Variants in ATPSCKMT observed in about 807,000 individuals in gnomAD.
The protein encoded by ATPSCKMT is ATP synthase subunit C lysine N-methyltransferase.
In ATPSCKMT, 24 loss-of-function variants were observed where a neutral mutation model predicts 24.3. The ratio of observed to expected loss-of-function variants is 0.99; its 90% CI spans 0.71 to 1.39. The LOEUF is 1.39. Among genes scored for constraint, ATPSCKMT ranks in the 40% most tolerant of loss-of-function variants. The pLI, the probability that ATPSCKMT is intolerant of heterozygous loss-of-function variation, is 0.00. For synonymous variants in ATPSCKMT, 95 were observed against 110.5 expected, an observed-to-expected ratio of 0.86 and a Z score of 0.88; for missense variants, 311 against 298.4, an observed-to-expected ratio of 1.04 and a Z score of -0.31.
chr5:10,237,833 G>A (rs955557125), intron 2 of ATPSCKMT, among the ~76,000 whole-genome samples: 6 of 151,838 alleles, frequency 4.0e-5, no homozygotes, highest in East Asian at 1.9e-4. Context: ...TTCAGCCTCC[G>A]CCTCCCAGGT....
chr5:10,227,571 G>T lies in ATPSCKMT; in HGVS notation c.572C>A (p.Pro191Gln). 6.2e-7 allele frequency: 1 copy of T among 1,614,172 alleles called. No individual in the cohort carries two copies. Among genetic ancestry groups the T allele is most frequent in the Middle Eastern group, 1.6e-4 (1 of 6,062 alleles). ...CGTGACGTGGTCTGGAGTCCAATGT[G>T]GGAAAGGGAACCGGCAAGCAATAAC... ...ARVIACRFPFPHWTPDHVTGE... is the reference protein window; with the variant it reads ...ARVIACRFPFQHWTPDHVTGE... Residue 191 changes from proline to glutamine, a missense_variant, in exon 5 of 5, where the codon CCA (proline) becomes CAA (glutamine). Transcript: ENST00000511437.
rs1366409311 is a variant in ATPSCKMT, at chr5:10,226,253, T to C, written c.*1188A>G. 1.3e-5 allele frequency: 2 copies of C among 152,246 alleles called. No individual in the cohort carries two copies. The highest frequency in any genetic ancestry group is 4.8e-5 in the African/African-American group (2 of 41,474). The allele number at this position is 152,246 out of a possible 1,614,324, so 9.4% of individuals were successfully genotyped here. A position where few individuals can be genotyped will look rare whatever the true frequency, so the allele number is the denominator to read the frequency against. ...CAGAATCTCAGAGCTTCTTCTACAG[T>C]AGATACTGAATACATATTTGTTGAA... On this transcript the variant is annotated 3_prime_UTR_variant, in exon 5 of 5. Coordinates refer to ENST00000511437, the MANE Select transcript of ATPSCKMT (RefSeq NM_199133.4).
intron 4 of ATPSCKMT, among the ~76,000 whole-genome samples, chr5:10,229,181 T>C (rs372464712): frequency 4.3e-4 from 66 of 152,368 alleles, no homozygotes; most frequent in East Asian, 4.1e-3. Flanking sequence ...CCCAATAATG[T>C]TCTGTATAAC....
Position 10,225,748 on chromosome 5 carries a change from G to A in ATPSCKMT, c.*1693C>T, listed in dbSNP as rs1279320478. 6.6e-6 allele frequency among the ~76,000 whole-genome samples: 1 copy of A among 152,066 alleles called. No homozygotes were observed. The highest frequency in any genetic ancestry group is 2.4e-5 in the African/African-American group (1 of 41,390). ...GAATTCAAGATGAGATTTGGGTAGGGACACAGCCAAACCATATCAATGCCT... is the reference window on the plus strand; with the variant it reads ...GAATTCAAGATGAGATTTGGGTAGGAACACAGCCAAACCATATCAATGCCT... On this transcript the variant is annotated 3_prime_UTR_variant, in exon 5 of 5. Coordinates refer to ENST00000511437, the MANE Select transcript of ATPSCKMT (RefSeq NM_199133.4).
intron 2 of ATPSCKMT, 103 bp from the exon 3 acceptor site, chr5:10,236,718 A>C (rs1472263998): frequency 1.3e-6 from 2 of 1,517,282 alleles, no homozygotes; most frequent in African/African-American, 1.4e-5. Flanking sequence ...ATCCAATCAA[A>C]AAGCACCTCC....
At chr5:10,232,350 G>A (rs947578002) in intron 4 of ATPSCKMT, among the ~76,000 whole-genome samples, 4 of 152,256 alleles carry the variant, frequency 2.6e-5, no homozygotes, top group Admixed American at 6.5e-5. Flanking sequence ...CGTTTACTGA[G>A]TGATGCCTGT....
intron 1 of ATPSCKMT, among the ~76,000 whole-genome samples, chr5:10,244,005 A>G (rs1339586445): frequency 6.6e-6 from 1 of 152,224 alleles, no homozygotes; most frequent in Non-Finnish European, 1.5e-5. Flanking sequence ...AAAATGGTAG[A>G]AGTGTGACTC....
At chr5:10,237,093 T>C in intron 2 of ATPSCKMT, 2 of 1,142,522 alleles carry the variant, frequency 1.8e-6, no homozygotes, top group South Asian at 2.6e-5. Flanking sequence ...AGTTAATGAC[T>C]GTTTACTCAA....
At chr5:10,246,630 A>T (rs1744944378) in intron 1 of ATPSCKMT, among the ~76,000 whole-genome samples, 1 of 152,198 alleles carries the variant, frequency 6.6e-6, no homozygotes, top group Non-Finnish European at 1.5e-5. Flanking sequence ...CATTGTATGG[A>T]TATGCCATAT....
intron 4 of ATPSCKMT, among the ~76,000 whole-genome samples, chr5:10,229,140 A>C (rs1744013372): frequency 1.3e-5 from 2 of 152,244 alleles, no homozygotes; most frequent in South Asian, 4.1e-4. Flanking sequence ...CAATATAATA[A>C]TTCCAAATAA....
At chr5:10,228,275 C>T (rs2126415950) in intron 4 of ATPSCKMT, among the ~76,000 whole-genome samples, 1 of 152,210 alleles carries the variant, frequency 6.6e-6, no homozygotes, top group East Asian at 1.9e-4. Flanking sequence ...GATCTACAGT[C>T]AATGAAATGT....
At chr5:10,249,524 A>G (rs1745187897) in intron 1 of ATPSCKMT, 2 of 344,786 alleles carry the variant, frequency 5.8e-6, no homozygotes, top group Admixed American at 4.6e-5. Flanking sequence ...TCAAAGCCAC[A>G]GCTAGGAAGA....
chr5:10,227,367 C>T lies in ATPSCKMT; in HGVS notation c.*74G>A. 1 of 1,485,782 alleles carries T rather than the reference C, an allele frequency of 6.7e-7. No individual in the cohort carries two copies. Among genetic ancestry groups the T allele is most frequent in the Admixed American group, 1.7e-5 (1 of 58,604 alleles). 92.0% of individuals were successfully genotyped at this position (1,485,782 alleles called of 1,614,324 possible). On this transcript the variant is annotated 3_prime_UTR_variant, in exon 5 of 5. Coordinates refer to ENST00000511437, the MANE Select transcript of ATPSCKMT (RefSeq NM_199133.4). The stretch of plus-strand genomic sequence containing the variant: ...AACCAAAGACAATTATGCTCCTTTG[C>T]TAAGGACACAGCTGTAAGTCTCTAC...
In ATPSCKMT at chr5:10,239,358, T is replaced by C. The variant is rs1744522847; in HGVS notation, c.17-2A>G. 1 of 1,604,526 alleles carries C rather than the reference T, an allele frequency of 6.2e-7. No homozygotes were observed. The highest frequency in any genetic ancestry group is 8.5e-7 in the Non-Finnish European group (1 of 1,174,044). On this transcript the variant is annotated splice_acceptor_variant, in intron 1 of 4. Coordinates refer to ENST00000511437, the MANE Select transcript of ATPSCKMT (RefSeq NM_199133.4). LOFTEE classifies it high-confidence loss of function. ...CTTTAAGTGTTTCTAGGGGTATACC[T>C]AGATTGAAAGCAAGCAGAAGAGACA...
chr5:10,248,980 A>C (rs1402852417), intron 1 of ATPSCKMT, among the ~76,000 whole-genome samples: 1 of 152,222 alleles, frequency 6.6e-6, no homozygotes, highest in Non-Finnish European at 1.5e-5. Flanking sequence ...ACAGGGCTTA[A>C]GAGTGAGACC....
At chr5:10,237,754 C>T (rs1370386085) in intron 2 of ATPSCKMT, among the ~76,000 whole-genome samples, 1 of 149,656 alleles carries the variant, frequency 6.7e-6, no homozygotes, top group Non-Finnish European at 1.5e-5. Context: ...TAATATATTT[C>T]TTTTTTTTTT....
intron 1 of ATPSCKMT, among the ~76,000 whole-genome samples, chr5:10,243,284 G>A (rs1038814020): frequency 2.9e-4 from 44 of 152,178 alleles, no homozygotes; most frequent in Admixed American, 6.5e-5. Context: ...AGGAGTTCAA[G>A]ACCAGTCTGA....
chr5:10,235,795 T>C (rs1744350871), intron 3 of ATPSCKMT, among the ~76,000 whole-genome samples: 1 of 152,214 alleles, frequency 6.6e-6, no homozygotes, highest in Admixed American at 6.5e-5. Flanking sequence ...GAAATGTGCT[T>C]TGCCAGTTAA....
chr5:10,230,248 C>G (rs1186593139), intron 4 of ATPSCKMT, among the ~76,000 whole-genome samples: 1 of 143,402 alleles, frequency 7.0e-6, no homozygotes, highest in Non-Finnish European at 1.5e-5. Flanking sequence ...AATTTCTATT[C>G]TTTTAACAGC....
Sources: allele counts gnomAD v4.1 joint callset (sites outside exome capture counted in the v4.1 genomes callset), GRCh38; gene constraint gnomAD v4.1.1; transcripts MANE v1.5; gene names NCBI Gene and HGNC (gene_info 2026-07-23, HGNC 2026-07-21).